Variants in GRIK4 observed in about 807,000 individuals in gnomAD.
GRIK4 encodes the protein glutamate ionotropic receptor kainate type subunit 4, also known as glutamate receptor ionotropic, kainate 4.
In GRIK4, 40 loss-of-function variants were observed where a neutral mutation model predicts 104.9. The ratio of observed to expected loss-of-function variants is 0.38; its 90% CI spans 0.30 to 0.50. The LOEUF (loss-of-function observed/expected upper bound fraction) is 0.50. Ranked by LOEUF, GRIK4 falls within the 20% of genes least tolerant of loss-of-function variation. The pLI, the probability that GRIK4 is intolerant of heterozygous loss-of-function variation, is 0.93. For synonymous variants in GRIK4, 485 were observed against 524.9 expected (o/e 0.92, Z 1.04); for missense variants, 1,047 against 1,308.1 (o/e 0.80, Z 3.08).
At chr11:120,680,570 G>A (rs1293125307) in intron 3 of GRIK4, among the ~76,000 whole-genome samples, 1 of 152,150 alleles carries the variant, frequency 6.6e-6, no homozygotes, top group Non-Finnish European at 1.5e-5. Context: ...CATAGTAGGT[G>A]TTCAGTAAAC....
At chr11:120,678,266 T>C (rs1372597106) in intron 3 of GRIK4, among the ~76,000 whole-genome samples, 1 of 152,110 alleles carries the variant, frequency 6.6e-6, no homozygotes, top group Non-Finnish European at 1.5e-5. Context: ...TTTCAGACAC[T>C]TGAGAGAGAG....
At chr11:120,968,557 C>T (rs762178478) in intron 19 of GRIK4, among the ~76,000 whole-genome samples, 7 of 152,162 alleles carry the variant, frequency 4.6e-5, no homozygotes, top group Non-Finnish European at 1.0e-4. Flanking sequence ...ATACGTGGAT[C>T]TCTATCTTGC....
chr11:120,886,370 A>G (rs1250223878), intron 11 of GRIK4, among the ~76,000 whole-genome samples: 9 of 152,300 alleles, frequency 5.9e-5, no homozygotes, highest in Middle Eastern at 6.8e-3. Flanking sequence ...CTGAAGTGCT[A>G]TCTCGTGTTC....
rs115512836 is a variant in GRIK4, at chr11:120,971,029, G to A, written c.2395+3706G>A. Among the ~76,000 whole-genome samples, 867 of 152,302 alleles carry A rather than the reference G, an allele frequency of 5.7e-3. 6 individuals are homozygous for A. The highest frequency in any genetic ancestry group is 0.02 in the African/African-American group (830 of 41,554). ...CTCCCAGGGCTGTTGCGAAGGTTGAGTAAGATAAATCAAGCATTCAGCAAA... is the reference window on the plus strand; with the variant it reads ...CTCCCAGGGCTGTTGCGAAGGTTGAATAAGATAAATCAAGCATTCAGCAAA... On this transcript the variant is annotated intron_variant, in intron 19 of 20. Transcript: ENST00000527524.
chr11:120,926,070 C>T (rs1363158935), intron 13 of GRIK4, among the ~76,000 whole-genome samples: 3 of 152,006 alleles, frequency 2.0e-5, no homozygotes, highest in African/African-American at 4.8e-5. Flanking sequence ...TTTCTTGATT[C>T]GACATGTAAA....
At chr11:120,532,413 T>C (rs1201558363) in intron 1 of GRIK4, among the ~76,000 whole-genome samples, 1 of 152,214 alleles carries the variant, frequency 6.6e-6, no homozygotes, top group Non-Finnish European at 1.5e-5. Flanking sequence ...CTTAGAGGCA[T>C]TGAATCAAAG....
intron 1 of GRIK4, among the ~76,000 whole-genome samples, chr11:120,592,576 C>T (rs150753349): frequency 1.3e-5 from 2 of 152,230 alleles, no homozygotes; most frequent in East Asian, 3.9e-4. Context: ...CTCTTGTGGA[C>T]TCCCTTTCTA....
chr11:120,569,838 G>A (rs892154073), intron 1 of GRIK4, among the ~76,000 whole-genome samples: 7 of 152,204 alleles, frequency 4.6e-5, no homozygotes, highest in Non-Finnish European at 1.0e-4. Context: ...GGGAACCTGA[G>A]GGAGGGTCTA....
intron 11 of GRIK4, among the ~76,000 whole-genome samples, chr11:120,878,767 G>A (rs536881088): frequency 4.9e-4 from 74 of 152,216 alleles, no homozygotes; most frequent in Non-Finnish European, 8.2e-4. Flanking sequence ...CCCAATCACC[G>A]CCCGATCTTT....
intron 1 of GRIK4, among the ~76,000 whole-genome samples, chr11:120,522,658 A>G (rs1167919572): frequency 2.0e-5 from 3 of 152,120 alleles, no homozygotes; most frequent in Non-Finnish European, 2.9e-5. Context: ...TTGGAACCCC[A>G]TTCCAGCCTT....
At chr11:120,582,179 A>G (rs767723573) in intron 1 of GRIK4, among the ~76,000 whole-genome samples, 1 of 151,928 alleles carries the variant, frequency 6.6e-6, no homozygotes, top group Non-Finnish European at 1.5e-5. Context: ...AGTTTCTTCT[A>G]CCATGAGCAT....
intron 3 of GRIK4, among the ~76,000 whole-genome samples, chr11:120,778,620 T>C (rs1952087916): frequency 6.6e-6 from 1 of 152,158 alleles, no homozygotes; most frequent in Non-Finnish European, 1.5e-5. Context: ...AACAGATTCA[T>C]GGAGTGGGCT....
At position 120,549,422 on chromosome 11, in the gene GRIK4, A is replaced by T. The variant is rs1948118211; in HGVS notation, c.-159+37535A>T. On this transcript the variant is annotated intron_variant, in intron 1 of 20. Coordinates refer to ENST00000527524, the MANE Select transcript of GRIK4 (RefSeq NM_014619.5). The surrounding 1 kb of genome is among the most constrained non-coding windows in gnomAD (Gnocchi z 4.7). ...CGCCCGGCCTTGGCTGTTCTTTAAT[A>T]GAAGGAACATGTCCCCGTGTGGTAC... Among the ~76,000 whole-genome samples the T allele has an allele frequency of 6.6e-6, 1 of 152,162 alleles. No homozygotes were observed. The highest frequency in any genetic ancestry group is 1.5e-5 in the Non-Finnish European group (1 of 68,026).
At chr11:120,724,995 C>A (rs1783359350) in intron 3 of GRIK4, among the ~76,000 whole-genome samples, 2 of 138,576 alleles carry the variant, frequency 1.4e-5, no homozygotes, top group East Asian at 1.9e-4. Flanking sequence ...TTTAGTCTTG[C>A]TCAACTATTC....
At chr11:120,623,428 C>A (rs544504214) in intron 1 of GRIK4, among the ~76,000 whole-genome samples, 1 of 152,104 alleles carries the variant, frequency 6.6e-6, no homozygotes, top group African/African-American at 2.4e-5. Context: ...CCACCGCACC[C>A]GGCCCCCTGT....
At chr11:120,802,180 G>GGT (rs1448051563) in intron 3 of GRIK4, among the ~76,000 whole-genome samples, 1 of 152,222 alleles carries the variant, frequency 6.6e-6, no homozygotes, top group East Asian at 1.9e-4. Context: ...ATGGCCCATC[G>GGT]GTGTCAGAGC....
At chr11:120,596,625 T>C in intron 1 of GRIK4, among the ~76,000 whole-genome samples, 1 of 152,132 alleles carries the variant, frequency 6.6e-6, no homozygotes, top group Non-Finnish European at 1.5e-5. Flanking sequence ...TGTCTCTCTA[T>C]AAAGCATATG....
intron 3 of GRIK4, among the ~76,000 whole-genome samples, chr11:120,785,411 T>C (rs1952246603): frequency 6.6e-6 from 1 of 152,046 alleles, no homozygotes; most frequent in African/African-American, 2.4e-5. Context: ...TTAAGGAGGC[T>C]AACTGGGAAT....
chr11:120,516,777 G>A (rs1373684657), intron 1 of GRIK4, among the ~76,000 whole-genome samples: 1 of 152,154 alleles, frequency 6.6e-6, no homozygotes, highest in African/African-American at 2.4e-5. Context: ...TTCCAGTGCT[G>A]GAGACCAGGG....
Sources: allele counts gnomAD v4.1 joint callset (sites outside exome capture counted in the v4.1 genomes callset), GRCh38; gene constraint gnomAD v4.1.1; non-coding constraint Gnocchi (gnomAD v3.1); transcripts MANE v1.5; gene names NCBI Gene and HGNC (gene_info 2026-07-23, HGNC 2026-07-21).